Variants in GGTA1 observed in about 807,000 individuals in gnomAD.
GGTA1 encodes the protein inactive N-acetyllactosaminide alpha-1,3-galactosyltransferase.
A neutral mutation model predicts 2.6 loss-of-function variants in GGTA1; 5 were observed. The ratio of observed to expected loss-of-function variants is 1.92; its 90% CI spans 1.00 to 4.04. The LOEUF is 4.04. Among genes scored for constraint, GGTA1 ranks in the 30% most tolerant of loss-of-function variants. The pLI, the probability that GGTA1 is intolerant of heterozygous loss-of-function variation, is 0.00. For missense variants in GGTA1, 50 were observed against 16.7 expected, an observed-to-expected ratio of 2.99 and a Z score of -3.47; for synonymous variants, 17 against 5.0, an observed-to-expected ratio of 3.38 and a Z score of -3.19.
intron 5 of GGTA1, among the ~76,000 whole-genome samples, chr9:121,456,837 A>G (rs933371769): frequency 2.0e-5 from 3 of 152,042 alleles, no homozygotes; most frequent in Non-Finnish European, 4.4e-5. Context: ...GCATCTAGCT[A>G]ATTTTTTATT....
At chr9:121,463,211 G>T (rs1375503519) in intron 3 of GGTA1, 82 bp downstream of exon 3, 5 of 439,556 alleles carry the variant, frequency 1.1e-5, no homozygotes, top group Admixed American at 1.1e-4. Flanking sequence ...ATGGCTGGCT[G>T]CCGTGTGAAG....
chr9:121,492,362 C>G (rs1589339282), intron 1 of GGTA1, among the ~76,000 whole-genome samples: 1 of 152,214 alleles, frequency 6.6e-6, no homozygotes, highest in South Asian at 2.1e-4. Flanking sequence ...GTACCCATAG[C>G]TAGCAGCACC....
Position 121,455,800 on chromosome 9 carries a change from C to T in GGTA1, c.*37G>A. The stretch of plus-strand genomic sequence containing the variant: ...TCCAGGTCTTCTAGAAGGACTGAGT[C>T]AGAAAACCAGAGTCCAGTTTAGTTA... On this transcript the variant is annotated 3_prime_UTR_variant, in exon 6 of 6. Transcript: ENST00000481799. The T allele has an allele frequency of 2.2e-6, 1 of 453,834 alleles. No homozygotes were observed. Among genetic ancestry groups the T allele is most frequent in the Non-Finnish European group, 4.4e-6 (1 of 226,030 alleles). The allele number at this position is 453,834 out of a possible 1,614,324, so 28.1% of individuals were successfully genotyped here. A position where few individuals can be genotyped will look rare whatever the true frequency, so the allele number is the denominator to read the frequency against.
chr9:121,471,999 G>A (rs1300946456), intron 1 of GGTA1, among the ~76,000 whole-genome samples: 1 of 152,212 alleles, frequency 6.6e-6, no homozygotes, highest in Non-Finnish European at 1.5e-5. Context: ...GTGGGGATGT[G>A]AGTCTCAACT....
At chr9:121,468,147 C>G (rs1346402625) in intron 1 of GGTA1, among the ~76,000 whole-genome samples, 1 of 152,206 alleles carries the variant, frequency 6.6e-6, no homozygotes, top group Admixed American at 6.5e-5. Context: ...TTAGGTATTT[C>G]TCCTAATGAT....
downstream of GGTA1, among the ~76,000 whole-genome samples, chr9:121,450,177 T>C (rs1041710626): frequency 3.3e-5 from 5 of 152,314 alleles, no homozygotes; most frequent in Non-Finnish European, 7.3e-5. Flanking sequence ...GGGTTTATAG[T>C]ATTGATTCTT....
At chr9:121,469,085 G>T (rs565853924) in intron 1 of GGTA1, among the ~76,000 whole-genome samples, 9 of 152,266 alleles carry the variant, frequency 5.9e-5, no homozygotes, top group African/African-American at 1.7e-4. Flanking sequence ...TACACAGCAG[G>T]TGCATAGATA....
chr9:121,487,673 CTGTT>C (rs1182318751), intron 1 of GGTA1, among the ~76,000 whole-genome samples: 1 of 151,414 alleles, frequency 6.6e-6, no homozygotes, highest in African/African-American at 2.4e-5. Flanking sequence ...CTGAGGATCT[CTGTT>C]TGGCCGTGCT....
intron 5 of GGTA1, among the ~76,000 whole-genome samples, chr9:121,456,870 C>T (rs986171285): frequency 1.3e-5 from 2 of 152,140 alleles, no homozygotes; most frequent in African/African-American, 2.4e-5. Flanking sequence ...CAGGGTTTCA[C>T]TAAGTTGCCC....
downstream of GGTA1, among the ~76,000 whole-genome samples, chr9:121,451,193 C>G (rs1245608710): frequency 6.6e-6 from 1 of 151,916 alleles, no homozygotes; most frequent in East Asian, 1.9e-4. Context: ...AACTTTCTTT[C>G]TTTTCTTTTC....
At chr9:121,457,291 G>A (rs542643570) in intron 5 of GGTA1, among the ~76,000 whole-genome samples, 35 of 152,330 alleles carry the variant, frequency 2.3e-4, no homozygotes, top group African/African-American at 7.9e-4. Flanking sequence ...CAGGCAGACA[G>A]GTAGACACAA....
intron 1 of GGTA1, among the ~76,000 whole-genome samples, chr9:121,470,750 G>A (rs2118703500): frequency 6.6e-6 from 1 of 152,306 alleles, no homozygotes; most frequent in Non-Finnish European, 1.5e-5. Context: ...CTTCCCAAAA[G>A]CTAAACTGTT....
chr9:121,455,327 C>T lies in GGTA1; in HGVS notation c.*510G>A, dbSNP rs1377081139. ...TAGCTTGTCAAAGATCTTTTAGTAG[C>T]TCTAACATAGCCCACTAGCTAAGTC... On this transcript the variant is annotated 3_prime_UTR_variant, in exon 6 of 6. Coordinates refer to ENST00000481799, the MANE Select transcript of GGTA1 (RefSeq NM_001382585.1). 6.6e-6 allele frequency: 1 copy of T among 152,234 alleles called. No homozygotes were observed. Among genetic ancestry groups the T allele is most frequent in the Non-Finnish European group, 1.5e-5 (1 of 68,068 alleles). 9.4% of individuals were successfully genotyped at this position (152,234 alleles called of 1,614,324 possible). A position where few individuals can be genotyped will look rare whatever the true frequency, so the allele number is the denominator to read the frequency against.
At chr9:121,483,186 G>A (rs999688443) in intron 1 of GGTA1, among the ~76,000 whole-genome samples, 1 of 152,116 alleles carries the variant, frequency 6.6e-6, no homozygotes, top group African/African-American at 2.4e-5. Context: ...TGGTAGGACA[G>A]GGCCCTTCAC....
At chr9:121,465,786 A>AGAGGAG (rs1309980218) in intron 2 of GGTA1, among the ~76,000 whole-genome samples, 2 of 152,162 alleles carry the variant, frequency 1.3e-5, no homozygotes, top group Non-Finnish European at 2.9e-5. Context: ...ATGATGAGGA[A>AGAGGAG]GAGGAGGAGG....
At position 121,481,724 on chromosome 9, in the gene GGTA1, C is replaced by T. The variant is rs188887108; in HGVS notation, c.-9-13793G>A. Reference sequence around the variant, plus strand: ...AAAAAGAATAAAAAGTGGCCAGGCACGGTGGCTCACACTTGTAATCCCAGC... The same window carrying T: ...AAAAAGAATAAAAAGTGGCCAGGCATGGTGGCTCACACTTGTAATCCCAGC... On this transcript the variant is annotated intron_variant, in intron 1 of 5. Coordinates refer to ENST00000481799, the MANE Select transcript of GGTA1 (RefSeq NM_001382585.1). Among the ~76,000 whole-genome samples the T allele has an allele frequency of 1.6e-4, 23 of 146,432 alleles. No homozygotes were observed. The East Asian group carries it at 2.4e-3, about 15-fold the overall frequency.
At chr9:121,493,741 T>C in intron 1 of GGTA1, among the ~76,000 whole-genome samples, 1 of 134,406 alleles carries the variant, frequency 7.4e-6, no homozygotes, top group Admixed American at 7.9e-5. Flanking sequence ...CTTCCTAGAC[T>C]CACTCTCTTT....
intron 2 of GGTA1, among the ~76,000 whole-genome samples, chr9:121,463,570 T>C (rs529793453): frequency 2.6e-5 from 4 of 152,154 alleles, no homozygotes; most frequent in African/African-American, 9.6e-5. Flanking sequence ...GTGTGTGTAT[T>C]GTAGAGACGG....
At chr9:121,472,678 G>A (rs1207720410) in intron 1 of GGTA1, among the ~76,000 whole-genome samples, 1 of 151,870 alleles carries the variant, frequency 6.6e-6, no homozygotes, top group Non-Finnish European at 1.5e-5. Flanking sequence ...CTTTGATCAA[G>A]CCTCAGGCGC....
Sources: gnomAD v4.1 joint callset for allele counts (sites outside exome capture counted in the v4.1 genomes callset) on GRCh38, gnomAD v4.1.1 for gene constraint, MANE v1.5 for transcripts, NCBI Gene and HGNC (gene_info 2026-07-23, HGNC 2026-07-21) for gene names.